The following SLC25A42 variants were observed in gnomAD, a reference collection of about 807,000 sequenced individuals.
SLC25A42 encodes the protein mitochondrial coenzyme A transporter SLC25A42.
A neutral mutation model predicts 34.7 loss-of-function variants in SLC25A42; 19 were observed. That is an observed-to-expected ratio of 0.55 (90% CI 0.38 to 0.80). SLC25A42 has a LOEUF of 0.80. Among genes scored for constraint, SLC25A42 ranks in the 30% least tolerant of loss-of-function variants. The pLI is 0.00. For synonymous variants in SLC25A42, 205 were observed against 191.2 expected (o/e 1.07, Z -0.59); for missense variants, 364 against 441.3 (o/e 0.82, Z 1.57).
intron 1 of SLC25A42, among the ~76,000 whole-genome samples, chr19:19,092,924 A>G (rs539103006): frequency 1.3e-5 from 2 of 152,260 alleles, no homozygotes; most frequent in Admixed American, 6.5e-5. Flanking sequence ...AAACAGACGC[A>G]GTGCATCCCA....
At chr19:19,074,996 A>C (rs962969748) in intron 1 of SLC25A42, among the ~76,000 whole-genome samples, 1 of 152,018 alleles carries the variant, frequency 6.6e-6, no homozygotes, top group Non-Finnish European at 1.5e-5. Context: ...ACTAAAAATA[A>C]TTTTAAAATT....
At chr19:19,106,195 G>A in intron 5 of SLC25A42, 74 bp from the exon 6 acceptor site, 2 of 1,289,236 alleles carry the variant, frequency 1.6e-6, no homozygotes, top group Non-Finnish European at 2.2e-6. Context: ...AGACGTGCGG[G>A]TGCTCCAGGC....
Position 19,101,761 on chromosome 19 carries a change from G to A in SLC25A42, c.82-20G>A, listed in dbSNP as rs374375361. ...GCCGCCCCCCTGCCCTCTGACCTCT[G>A]ATCACATGTTCTGTTGCAGCGTGAC... On this transcript the variant is annotated intron_variant, in intron 2 of 7. Coordinates refer to ENST00000318596, the MANE Select transcript of SLC25A42 (RefSeq NM_178526.5). 11 of 1,605,440 alleles carry A rather than the reference G, an allele frequency of 6.9e-6. 1 individual carries two copies. The South Asian group carries it at 1.0e-4, about 15-fold the overall frequency.
At chr19:19,068,650 A>C (rs903184913) in intron 1 of SLC25A42, among the ~76,000 whole-genome samples, 34 of 152,078 alleles carry the variant, frequency 2.2e-4, no homozygotes, top group Non-Finnish European at 2.5e-4. Flanking sequence ...CCTGGGCAAC[A>C]GGGCAAGACT....
At chr19:19,096,983 C>T (rs1389643597) in intron 2 of SLC25A42, among the ~76,000 whole-genome samples, 1 of 152,138 alleles carries the variant, frequency 6.6e-6, no homozygotes, top group Non-Finnish European at 1.5e-5. Context: ...AGGGGGTGGG[C>T]ATGCTTGGTC....
chr19:19,065,299 C>T (rs561734807), intron 1 of SLC25A42, among the ~76,000 whole-genome samples: 2 of 152,090 alleles, frequency 1.3e-5, no homozygotes, highest in South Asian at 4.2e-4. Context: ...CTTGCAGACC[C>T]GGGACCCCTC....
rs555080173 is a variant in SLC25A42, at chr19:19,081,272, C to T, written c.-34-14819C>T. On this transcript the variant is annotated intron_variant, in intron 1 of 7. Transcript: ENST00000318596. The surrounding 1 kb of genome is among the most constrained non-coding windows in gnomAD (Gnocchi z 4.5). Reference sequence around the variant, plus strand: ...AAGTGGCCCCAGGGTGACTTTCCAGCACTGGACCCATAAGGAACCACAGGG... The same window carrying T: ...AAGTGGCCCCAGGGTGACTTTCCAGTACTGGACCCATAAGGAACCACAGGG... Among the ~76,000 whole-genome samples the T allele has an allele frequency of 3.9e-5, 6 of 152,208 alleles. No homozygotes were observed. In the South Asian group the frequency reaches 1.0e-3, roughly 26 times the overall value.
At chr19:19,088,345 A>G (rs2059719458) in intron 1 of SLC25A42, among the ~76,000 whole-genome samples, 1 of 151,474 alleles carries the variant, frequency 6.6e-6, no homozygotes, top group Non-Finnish European at 1.5e-5. Context: ...AGCTGGGACT[A>G]CAGGTGCCCG....
intron 2 of SLC25A42, among the ~76,000 whole-genome samples, chr19:19,100,975 C>T (rs940992074): frequency 6.6e-6 from 1 of 152,150 alleles, no homozygotes; most frequent in South Asian, 2.1e-4. Flanking sequence ...ATCAGAGCAC[C>T]TCCCATCCAG....
At chr19:19,072,781 T>C (rs2059637697) in intron 1 of SLC25A42, among the ~76,000 whole-genome samples, 4 of 152,126 alleles carry the variant, frequency 2.6e-5, no homozygotes, top group Admixed American at 1.3e-4. Context: ...TGGGTTCAAG[T>C]GATCTTCCCA....
chr19:19,081,744 G>T lies in SLC25A42; in HGVS notation c.-34-14347G>T, dbSNP rs765854853. 1.3e-5 allele frequency among the ~76,000 whole-genome samples: 2 copies of T among 152,212 alleles called. No homozygotes were observed. The highest frequency in any genetic ancestry group is 2.9e-5 in the Non-Finnish European group (2 of 68,038). On this transcript the variant is annotated intron_variant, in intron 1 of 7. Transcript: ENST00000318596. The surrounding 1 kb of genome is among the most constrained non-coding windows in gnomAD (Gnocchi z 4.5). The stretch of plus-strand genomic sequence containing the variant: ...CTGCAGCCTACCGTCCAGGCCCTAC[G>T]CTGTCACCCGAGTGGTCCCGTGGTG...
Position 19,090,881 on chromosome 19 carries a change from A to G in SLC25A42, c.-34-5210A>G, listed in dbSNP as rs77726349. ...TTCTGTGTTCTCAAAGGCCAAGGTC[A>G]TATTTTAGGCTATTATGTCCCGAAC... On this transcript the variant is annotated intron_variant, in intron 1 of 7. Coordinates refer to ENST00000318596, the MANE Select transcript of SLC25A42 (RefSeq NM_178526.5). Among the ~76,000 whole-genome samples the G allele has an allele frequency of 1.0e-3, 156 of 152,348 alleles. 5 individuals carry two copies. The East Asian group carries it at 0.028, about 27-fold the overall frequency.
rs2059858960 is a variant in SLC25A42 at position 19,110,710 on chromosome 19, G to A, written c.791G>A (p.Arg264His). ...MQTAGVTGYP[R>H]ASIARTLRTI... ...ACGGCCGGCGTCACGGGCTACCCGC[G>A]CGCCTCCATCGCCCGCACGCTGCGC... The change falls in exon 8 of 8, where the codon CGC (arginine) becomes CAC (histidine). Residue 264 changes from arginine (R) to histidine (H), a missense_variant. By Grantham distance (29) the Arg-to-His change is conservative. Transcript: ENST00000318596. 1.9e-6 allele frequency: 3 copies of A among 1,599,294 alleles called. No individual in the cohort carries two copies. The highest frequency in any genetic ancestry group is 2.6e-6 in the Non-Finnish European group (3 of 1,173,744).
chr19:19,108,590 A>G (rs1310521820), intron 7 of SLC25A42, among the ~76,000 whole-genome samples: 1 of 151,232 alleles, frequency 6.6e-6, no homozygotes, highest in African/African-American at 2.4e-5. Flanking sequence ...CCAGTGTGTC[A>G]CCTAGAGCAT....
chr19:19,098,117 C>T (rs2145917733), intron 2 of SLC25A42, among the ~76,000 whole-genome samples: 1 of 152,334 alleles, frequency 6.6e-6, no homozygotes, highest in African/African-American at 2.4e-5. Flanking sequence ...ACTTCAACCC[C>T]TCAGTGATGC....
chr19:19,066,484 T>C (rs1401633872), intron 1 of SLC25A42, among the ~76,000 whole-genome samples: 1 of 150,242 alleles, frequency 6.7e-6, no homozygotes, highest in Non-Finnish European at 1.5e-5. Flanking sequence ...ATTCTTGCTC[T>C]GTCGCCCAGG....
rs935084556 is a variant in SLC25A42 at position 19,112,975 on chromosome 19, C to G, written c.*2099C>G. The G allele has an allele frequency of 6.6e-6, 1 of 151,572 alleles. No homozygotes were observed. The highest frequency in any genetic ancestry group is 2.4e-5 in the African/African-American group (1 of 41,018). The allele number at this position is 151,572 out of a possible 1,614,324, so 9.4% of individuals were successfully genotyped here. On this transcript the variant is annotated 3_prime_UTR_variant, in exon 8 of 8. Transcript: ENST00000318596. This position sits in a 1 kb window ranked among gnomAD's most constrained non-coding sequence, Gnocchi z 4.3. ...AAACAGGGTTGAAGTGCTTTTGACA[C>G]ATTTGTGATAAAAGTTCTGAATAAA... is the stretch of plus-strand genomic sequence containing the variant.
At chr19:19,065,621 T>C (rs940897578) in intron 1 of SLC25A42, among the ~76,000 whole-genome samples, 1 of 152,208 alleles carries the variant, frequency 6.6e-6, no homozygotes, top group African/African-American at 2.4e-5. Flanking sequence ...TCATGTCACC[T>C]TCAGCTTCTC....
At position 19,081,028 on chromosome 19, in the gene SLC25A42, G is replaced by T. The variant is rs1254299101; in HGVS notation, c.-34-15063G>T. Among the ~76,000 whole-genome samples the T allele has an allele frequency of 6.6e-6, 1 of 151,974 alleles. No homozygotes were observed. Among genetic ancestry groups the T allele is most frequent in the African/African-American group, 2.4e-5 (1 of 41,370 alleles). On this transcript the variant is annotated intron_variant, in intron 1 of 7. Transcript: ENST00000318596. The surrounding 1 kb of genome is among the most constrained non-coding windows in gnomAD (Gnocchi z 4.5). ...CAGGAAACTGAGGCAGGAGTTTGGG[G>T]AATCCCTTGAGCCCAGGAGTTTGAA...
Sources: gnomAD v4.1 joint callset for allele counts (sites outside exome capture counted in the v4.1 genomes callset) on GRCh38, gnomAD v4.1.1 for gene constraint, Gnocchi (gnomAD v3.1) non-coding constraint, MANE v1.5 for transcripts, NCBI Gene and HGNC (gene_info 2026-07-23, HGNC 2026-07-21) for gene names.